The following HERPUD2 variants were observed in gnomAD, a reference collection of about 807,000 sequenced individuals.
The protein encoded by HERPUD2 is HERPUD family member 2, also known as homocysteine-responsive endoplasmic reticulum-resident ubiquitin-like domain member 2 protein.
Under a neutral mutation model 49.9 loss-of-function variants are expected in HERPUD2, and 13 were observed. The ratio of observed to expected loss-of-function variants is 0.26; its 90% CI spans 0.17 to 0.41. The LOEUF (loss-of-function observed/expected upper bound fraction) is 0.41, where lower values mean the gene tolerates loss of function less well. Ranked by LOEUF, HERPUD2 falls within the 10% of genes least tolerant of loss-of-function variation. The pLI is 1.00. For synonymous variants in HERPUD2, 172 were observed against 171.4 expected (o/e 1.00, Z -0.03); for missense variants, 449 against 492.2 (o/e 0.91, Z 0.83).
intron 5 of HERPUD2, among the ~76,000 whole-genome samples, chr7:35,645,871 GC>G (rs2115858312): frequency 6.6e-6 from 1 of 152,250 alleles, no homozygotes; most frequent in East Asian, 1.9e-4. Context: ...TCTAAGGAGG[GC>G]AAGTGGTGTA....
chr7:35,637,047 C>T (rs553040544), intron 6 of HERPUD2, among the ~76,000 whole-genome samples: 1 of 152,040 alleles, frequency 6.6e-6, no homozygotes, highest in South Asian at 2.1e-4. Flanking sequence ...GCACAAGAAT[C>T]GCTTGAACCC....
rs534690715 is a variant in HERPUD2, at chr7:35,637,568, AC to A, written c.617+781del. ...GAAATCTTCCAACAATAAAGCAGAG[AC>A]ACAGGATGAAGCACAGGAGATGAAG... On this transcript the variant is annotated intron_variant, in intron 6 of 8. Transcript: ENST00000311350. Among the ~76,000 whole-genome samples, 40 of 152,334 alleles carry A rather than the reference AC, an allele frequency of 2.6e-4. No individual in the cohort carries two copies. The East Asian group carries it at 6.7e-3, about 26-fold the overall frequency.
chr7:35,640,738 A>G (rs1429605111), intron 5 of HERPUD2, among the ~76,000 whole-genome samples: 4 of 152,200 alleles, frequency 2.6e-5, no homozygotes, highest in Non-Finnish European at 5.9e-5. Context: ...TTAATAAAAT[A>G]TATAGGAATA....
rs1360371157 is a variant in HERPUD2, at chr7:35,645,578, G to A, written c.495-7106C>T. 7.2e-5 allele frequency among the ~76,000 whole-genome samples: 11 copies of A among 152,150 alleles called. 1 individual carries two copies. The East Asian group carries it at 2.1e-3, about 29-fold the overall frequency. ...CACTTCCATTGTCAATAGGTTCTTG[G>A]AAACTGTGACTTTAAACAAAATGAT... On this transcript the variant is annotated intron_variant, in intron 5 of 8. Coordinates refer to ENST00000311350, the MANE Select transcript of HERPUD2 (RefSeq NM_022373.5).
At chr7:35,638,091 C>T (rs1404635626) in intron 6 of HERPUD2, among the ~76,000 whole-genome samples, 1 of 152,190 alleles carries the variant, frequency 6.6e-6, no homozygotes, top group Non-Finnish European at 1.5e-5. Flanking sequence ...TCCAGTGAAA[C>T]ATTCCTAAGT....
chr7:35,671,836 A>T (rs1042845875), intron 3 of HERPUD2, among the ~76,000 whole-genome samples: 4 of 152,052 alleles, frequency 2.6e-5, no homozygotes, highest in Non-Finnish European at 4.4e-5. Context: ...TCATGTGTAG[A>T]TTTAAGCTAT....
Position 35,695,111 on chromosome 7 carries a change from C to G in HERPUD2, c.-608G>C, listed in dbSNP as rs1233904462. On this transcript the variant is annotated 5_prime_UTR_variant, in exon 1 of 9. Transcript: ENST00000311350. ...GGCGGGGACGAGAGCCGTTGCGCCA[C>G]CGCTGGCGCGCCGGTTTTGTTGTTA... The G allele has an allele frequency of 6.6e-6, 1 of 152,490 alleles. No individual in the cohort carries two copies. The highest frequency in any genetic ancestry group is 1.5e-5 in the Non-Finnish European group (1 of 68,236). The allele number at this position is 152,490 out of a possible 1,614,324, so 9.4% of individuals were successfully genotyped here.
At chr7:35,651,667 A>T (rs191262443) in intron 5 of HERPUD2, among the ~76,000 whole-genome samples, 2 of 152,342 alleles carry the variant, frequency 1.3e-5, no homozygotes, top group Admixed American at 6.5e-5. Flanking sequence ...GGATAGAAGA[A>T]ACATGAAAAA....
At chr7:35,663,240 T>G (rs535240921) in intron 5 of HERPUD2, among the ~76,000 whole-genome samples, 2 of 152,366 alleles carry the variant, frequency 1.3e-5, no homozygotes, top group South Asian at 4.1e-4. Context: ...AGAGACAGTT[T>G]GTTATAATTT....
At chr7:35,661,096 T>A (rs1230609951) in intron 5 of HERPUD2, among the ~76,000 whole-genome samples, 1 of 152,228 alleles carries the variant, frequency 6.6e-6, no homozygotes, top group African/African-American at 2.4e-5. Flanking sequence ...TTTCTAGATA[T>A]GGTTAGCCAG....
chr7:35,687,469 T>C (rs1786088012), intron 2 of HERPUD2, among the ~76,000 whole-genome samples: 1 of 152,120 alleles, frequency 6.6e-6, no homozygotes, highest in Non-Finnish European at 1.5e-5. Flanking sequence ...AGCCAAATAA[T>C]AAGACAAAGA....
chr7:35,654,980 G>C (rs1224751413), intron 5 of HERPUD2, among the ~76,000 whole-genome samples: 2 of 152,144 alleles, frequency 1.3e-5, no homozygotes, highest in Admixed American at 6.5e-5. Flanking sequence ...TCAGCCTCCA[G>C]AGTAGCTGGG....
chr7:35,664,805 A>G (rs577752358), intron 5 of HERPUD2, among the ~76,000 whole-genome samples: 1 of 152,224 alleles, frequency 6.6e-6, no homozygotes, highest in East Asian at 1.9e-4. Context: ...TCTTTTTTCA[A>G]GGTTTTTAAG....
chr7:35,664,163 G>C (rs1785489419), intron 5 of HERPUD2, among the ~76,000 whole-genome samples: 1 of 152,136 alleles, frequency 6.6e-6, no homozygotes, highest in Non-Finnish European at 1.5e-5. Flanking sequence ...AGCTGAGTTT[G>C]GCTGAATATG....
At chr7:35,686,718 C>G (rs868115847) in intron 2 of HERPUD2, among the ~76,000 whole-genome samples, 1 of 3,804 alleles carries the variant, frequency 2.6e-4, no homozygotes, top group Non-Finnish European at 4.7e-4. Context: ...CACTCCGTCT[C>G]AAAAAAAAAA....
chr7:35,682,047 C>CA (rs1394234716), intron 2 of HERPUD2, among the ~76,000 whole-genome samples: 1 of 151,928 alleles, frequency 6.6e-6, no homozygotes, highest in Non-Finnish European at 1.5e-5. Flanking sequence ...CAAATGCCTT[C>CA]AAATAATCTG....
intron 2 of HERPUD2, among the ~76,000 whole-genome samples, chr7:35,689,636 G>C (rs1361060181): frequency 6.6e-6 from 1 of 152,128 alleles, no homozygotes; most frequent in Non-Finnish European, 1.5e-5. Context: ...TTCTATTCTT[G>C]CTTCTTTAAT....
chr7:35,639,157 T>C (rs577309625), intron 5 of HERPUD2, among the ~76,000 whole-genome samples: 66 of 152,042 alleles, frequency 4.3e-4, no homozygotes, highest in Non-Finnish European at 7.6e-4. Flanking sequence ...GTCTCCCAAG[T>C]AGCTGGGACT....
At chr7:35,671,306 T>C (rs1270520269) in intron 3 of HERPUD2, among the ~76,000 whole-genome samples, 1 of 151,922 alleles carries the variant, frequency 6.6e-6, no homozygotes, top group Non-Finnish European at 1.5e-5. Context: ...CAGAGAACAG[T>C]CTTTTTTTCA....
Sources: gnomAD v4.1 joint callset for allele counts (sites outside exome capture counted in the v4.1 genomes callset) on GRCh38, gnomAD v4.1.1 for gene constraint, MANE v1.5 for transcripts, NCBI Gene and HGNC (gene_info 2026-07-23, HGNC 2026-07-21) for gene names.